Variants in ZFP64 observed in about 807,000 individuals in gnomAD.
ZFP64 encodes the protein zinc finger protein 64.
ZFP64 carries 14 observed loss-of-function variants against 51.6 expected under a neutral mutation model. The observed-to-expected ratio is 0.27, with a 90% CI of 0.18 to 0.42. The LOEUF (loss-of-function observed/expected upper bound fraction) is 0.42, where lower values mean the gene tolerates loss of function less well. ZFP64 is among the 10% of genes least tolerant of loss of function. The pLI is 1.00. For missense variants in ZFP64, 754 were observed against 906.8 expected, an observed-to-expected ratio of 0.83 and a Z score of 2.16; for synonymous variants, 375 against 361.4, an observed-to-expected ratio of 1.04 and a Z score of -0.43.
rs571229768 is a variant in ZFP64 at position 52,123,673 on chromosome 20, T to A, written c.764-25086A>T. Among the ~76,000 whole-genome samples the A allele has an allele frequency of 9.8e-5, 15 of 152,310 alleles. No individual in the cohort carries two copies. In the East Asian group the frequency reaches 2.3e-3, roughly 24 times the overall value. On this transcript the variant is annotated intron_variant, in intron 5 of 8. Coordinates refer to the ZFP64 transcript ENST00000361387. Reference sequence around the variant, plus strand: ...CAGTATAGTGTAAATATAGCATATATTATTTGATCACAAATACCTTCATAC... The same window carrying A: ...CAGTATAGTGTAAATATAGCATATAATATTTGATCACAAATACCTTCATAC...
intron 7 of ZFP64, chr20:52,097,149 C>A (rs2078997355): frequency 2.6e-6 from 2 of 780,778 alleles, no homozygotes; most frequent in East Asian, 2.5e-5. Context: ...CACCTTATTG[C>A]TCTAAGATGA....
At chr20:52,119,533 A>ATATATATATATAT (rs1555802531) in intron 5 of ZFP64, among the ~76,000 whole-genome samples, 1 of 89,836 alleles carries the variant, frequency 1.1e-5, no homozygotes, top group African/African-American at 4.7e-5. Context: ...AAAAAAAAAA[A>ATATATATATATAT]ATATATATAT....
At chr20:52,144,747 G>A (rs889845859) in intron 5 of ZFP64, among the ~76,000 whole-genome samples, 2 of 151,510 alleles carry the variant, frequency 1.3e-5, no homozygotes, top group African/African-American at 2.4e-5. Flanking sequence ...AATAAAAAAA[G>A]AAACCCCAAA....
At chr20:52,142,086 G>T (rs1300145662) in intron 5 of ZFP64, among the ~76,000 whole-genome samples, 2 of 152,114 alleles carry the variant, frequency 1.3e-5, no homozygotes, top group Non-Finnish European at 2.9e-5. Flanking sequence ...TGCTTAATGG[G>T]CCTGGCGCGG....
In ZFP64 at chr20:52,134,204, A is replaced by T. The variant is rs539525184; in HGVS notation, c.763+25919T>A. ...CTGTATTTGTAATTTTACATTTTTT[A>T]AAAAAAATACACTTCAGGCCCCATA... is the stretch of plus-strand genomic sequence containing the variant. On this transcript the variant is annotated intron_variant, in intron 5 of 8. Transcript: ENST00000361387. 1.5e-3 allele frequency among the ~76,000 whole-genome samples: 221 copies of T among 151,594 alleles called. 2 individuals carry two copies. Among genetic ancestry groups the T allele is most frequent in the African/African-American group, 3.6e-3 (148 of 41,404 alleles).
At chr20:52,105,163 C>T (rs1216634498) in intron 5 of ZFP64, 2 of 1,451,030 alleles carry the variant, frequency 1.4e-6, no homozygotes, top group Non-Finnish European at 1.8e-6. Flanking sequence ...GGGCCACCTC[C>T]GCACACTCCC....
Position 52,120,398 on chromosome 20 carries a change from G to A in ZFP64, c.764-21811C>T, listed in dbSNP as rs193193535. Among the ~76,000 whole-genome samples the A allele has an allele frequency of 2.1e-3, 319 of 152,246 alleles. 1 individual carries two copies. The highest frequency in any genetic ancestry group is 0.017 in the Middle Eastern group (5 of 294). On this transcript the variant is annotated intron_variant, in intron 5 of 8. Transcript: ENST00000361387. ...CCAATGAAGGAGAATGATGATCCTC[G>A]TCGTGGTAATGACTATGAGGATGGA...
exon 8 of ZFP64, chr20:52,088,468 C>T: frequency 5.0e-6 from 8 of 1,614,132 alleles, no homozygotes; most frequent in Non-Finnish European, 6.8e-6. Flanking sequence ...ATTTGTACGG[C>T]CGCTCATCAG....
At chr20:52,098,667 T>C in intron 5 of ZFP64, 3 of 1,569,432 alleles carry the variant, frequency 1.9e-6, no homozygotes, top group Non-Finnish European at 2.6e-6. Flanking sequence ...GGTTTGGGCT[T>C]ATTTCACCTC....
At chr20:52,145,299 C>G (rs1980469228) in intron 5 of ZFP64, among the ~76,000 whole-genome samples, 2 of 152,208 alleles carry the variant, frequency 1.3e-5, no homozygotes. Flanking sequence ...GTGCTGAGTA[C>G]TATAGGTAAT....
At chr20:52,172,491 C>T (rs1316593564) in intron 2 of ZFP64, among the ~76,000 whole-genome samples, 1 of 152,022 alleles carries the variant, frequency 6.6e-6, no homozygotes, top group African/African-American at 2.4e-5. Flanking sequence ...TATTATTTAT[C>T]TGTATTCAGG....
intron 5 of ZFP64, among the ~76,000 whole-genome samples, chr20:52,102,107 C>CA (rs34646115): frequency 0.26 from 16,335 of 63,296 alleles, 2,444 homozygotes; most frequent in East Asian, 0.43. Flanking sequence ...ACTCCATCTC[C>CA]AAAAAAAAAA....
intron 5 of ZFP64, among the ~76,000 whole-genome samples, chr20:52,139,817 T>C (rs1980164061): frequency 6.6e-6 from 1 of 151,310 alleles, no homozygotes; most frequent in Non-Finnish European, 1.5e-5. Context: ...TGATTGTCCT[T>C]AGTTTTATTG....
intron 2 of ZFP64, 119 bp downstream of exon 2, chr20:52,186,713 A>G (rs1387123964): frequency 2.9e-6 from 4 of 1,375,064 alleles, no homozygotes; most frequent in Non-Finnish European, 3.9e-6. Flanking sequence ...TGTTAAAAAT[A>G]ATGAATCAGC....
chr20:52,160,051 T>C lies in ZFP64; in HGVS notation c.763+72A>G. The C allele has an allele frequency of 1.3e-6, 2 of 1,591,600 alleles. No homozygotes were observed. The highest frequency in any genetic ancestry group is 1.7e-6 in the Non-Finnish European group (2 of 1,168,952). ...CTCGATTTCTTACATTGTGGCTGAA[T>C]GCTTTAAGGTGCTTATGATTTATGC... On this transcript the variant is annotated intron_variant, in intron 5 of 5. Transcript: ENST00000216923. The surrounding 1 kb of genome is among the most constrained non-coding windows in gnomAD (Gnocchi z 4.2).
At chr20:52,172,379 C>T (rs930166896) in intron 2 of ZFP64, among the ~76,000 whole-genome samples, 1 of 151,954 alleles carries the variant, frequency 6.6e-6, no homozygotes, top group Non-Finnish European at 1.5e-5. Flanking sequence ...TCTTGTTGTT[C>T]TAGTAAAGAT....
chr20:52,142,909 T>C (rs6013399), intron 5 of ZFP64, among the ~76,000 whole-genome samples: 58,088 of 135,304 alleles, frequency 0.43, 17,467 homozygotes, highest in Non-Finnish European at 0.51. Context: ...TGTTGTCTTA[T>C]TTTAAGAAAT....
Position 52,160,092 on chromosome 20 carries a change from G to A in ZFP64, c.763+31C>T, listed in dbSNP as rs775679465. Reference sequence around the variant, plus strand: ...TGATTTATGCCATAGAAAGTGAGGAGCGTAGAGAGCAAATAACAGGCAGGA... The same window carrying A: ...TGATTTATGCCATAGAAAGTGAGGAACGTAGAGAGCAAATAACAGGCAGGA... On this transcript the variant is annotated intron_variant, in intron 5 of 5. Transcript: ENST00000216923. The surrounding 1 kb of genome is among the most constrained non-coding windows in gnomAD (Gnocchi z 4.2). The A allele has an allele frequency of 6.2e-7, 1 of 1,614,096 alleles. No homozygotes were observed. Among genetic ancestry groups the A allele is most frequent in the South Asian group, 1.1e-5 (1 of 91,064 alleles).
At chr20:52,176,992 C>G (rs1983274329) in intron 2 of ZFP64, among the ~76,000 whole-genome samples, 1 of 152,116 alleles carries the variant, frequency 6.6e-6, no homozygotes, top group Non-Finnish European at 1.5e-5. Flanking sequence ...CTTCACCAAA[C>G]AGGAAAAATA....
Sources: allele counts gnomAD v4.1 joint callset (sites outside exome capture counted in the v4.1 genomes callset), GRCh38; gene constraint gnomAD v4.1.1; non-coding constraint Gnocchi (gnomAD v3.1); transcripts MANE v1.5; gene names NCBI Gene and HGNC (gene_info 2026-07-23, HGNC 2026-07-21).